FBXO21: variants seen among roughly 807,000 people sequenced by gnomAD.
FBXO21 encodes the protein F-box only protein 21.
A neutral mutation model predicts 76.6 loss-of-function variants in FBXO21; 32 were observed. The ratio of observed to expected loss-of-function variants is 0.42; its 90% CI spans 0.32 to 0.56. The LOEUF is 0.56. Among genes scored for constraint, FBXO21 ranks in the 20% least tolerant of loss-of-function variants. FBXO21 has a pLI of 0.16. For synonymous variants in FBXO21, 328 were observed against 311.5 expected (o/e 1.05, Z -0.56); for missense variants, 586 against 797.3 (o/e 0.73, Z 3.19).
At chr12:117,168,302 G>C (rs534976585) in intron 7 of FBXO21, among the ~76,000 whole-genome samples, 2 of 152,180 alleles carry the variant, frequency 1.3e-5, no homozygotes, top group African/African-American at 4.8e-5. Context: ...AAGGCAGGCA[G>C]ATCACGAGGT....
rs766832709 is a variant in FBXO21 at position 117,155,801 on chromosome 12, G to A, written c.1665C>T (p.Tyr555=). The part of the protein sequence containing the change: ...NVLVEDGSCR[Y]AAQENLEYNV... ...GAACCCGCCGCTTACCTTGGGCTGC[G>A]TATCGACAGGAGCCGTCCTCCACCA... Residue 555 remains tyrosine (Y), a synonymous_variant, in exon 11 of 12, where the codon TAC becomes TAT. Coordinates refer to ENST00000622495, the MANE Select transcript of FBXO21 (RefSeq NM_015002.3). 8 of 1,613,364 alleles carry A rather than the reference G, an allele frequency of 5.0e-6. No homozygotes were observed. The highest frequency in any genetic ancestry group is 4.0e-5 in the African/African-American group (3 of 74,956).
At chr12:117,158,813 C>G (rs7955126) in intron 9 of FBXO21, among the ~76,000 whole-genome samples, 3,267 of 152,306 alleles carry the variant, frequency 0.021, 126 homozygotes, top group African/African-American at 0.074. Flanking sequence ...TCTGACTCCA[C>G]TATTACCGCC....
At chr12:117,162,505 G>A (rs574518375) in intron 9 of FBXO21, among the ~76,000 whole-genome samples, 2 of 152,304 alleles carry the variant, frequency 1.3e-5, no homozygotes, top group South Asian at 2.1e-4. Context: ...CTAAGAAGAT[G>A]GAAGGAGGCG....
At chr12:117,176,633 T>C (rs938926283) in intron 4 of FBXO21, among the ~76,000 whole-genome samples, 3 of 152,134 alleles carry the variant, frequency 2.0e-5, no homozygotes, top group African/African-American at 2.4e-5. Context: ...AAGCAAGTAT[T>C]ACTCAGAAAG....
chr12:117,156,014 G>A (rs1955911935), intron 10 of FBXO21, 66 bp from the exon 11 acceptor site: 3 of 1,518,946 alleles, frequency 2.0e-6, no homozygotes, highest in African/African-American at 1.4e-5. Context: ...AGACAACCGC[G>A]TGGCTTCTCA....
At chr12:117,188,151 G>C (rs1439930886) in intron 2 of FBXO21, among the ~76,000 whole-genome samples, 1 of 152,270 alleles carries the variant, frequency 6.6e-6, no homozygotes, top group Non-Finnish European at 1.5e-5. Flanking sequence ...TCTATTTCTA[G>C]AACCCCAACC....
chr12:117,184,077 T>C (rs1435033824), intron 3 of FBXO21, among the ~76,000 whole-genome samples: 2 of 152,002 alleles, frequency 1.3e-5, no homozygotes, highest in East Asian at 3.9e-4. Flanking sequence ...GCCTAATATC[T>C]AGTGATGCCA....
chr12:117,180,966 T>C (rs117585165), intron 3 of FBXO21, among the ~76,000 whole-genome samples: 151 of 152,312 alleles, frequency 9.9e-4, no homozygotes, highest in Middle Eastern at 3.4e-3. Context: ...TCTCCCCCAC[T>C]GTCCATTCAT....
rs375609419 is a variant in FBXO21, at chr12:117,154,832, T to G, written c.1675+959A>C. ...TTTGATTATTGGATTTATCAGAACA[T>G]AATATTGAGTTAGGTCAAAACTCAG... On this transcript the variant is annotated intron_variant, in intron 11 of 11. Coordinates refer to ENST00000622495, the MANE Select transcript of FBXO21 (RefSeq NM_015002.3). 1.5e-3 allele frequency among the ~76,000 whole-genome samples: 235 copies of G among 152,350 alleles called. 2 individuals are homozygous for G. Among genetic ancestry groups the G allele is most frequent in the Non-Finnish European group, 2.5e-3 (168 of 68,036 alleles).
chr12:117,182,879 G>A (rs575018742), intron 3 of FBXO21, among the ~76,000 whole-genome samples: 16 of 152,098 alleles, frequency 1.1e-4, no homozygotes, highest in African/African-American at 3.9e-4. Context: ...ATCTCTTGAG[G>A]CCAGGAGTTT....
chr12:117,146,382 G>T, intron 11 of FBXO21, 105 bp from the exon 12 acceptor site: 1 of 899,370 alleles, frequency 1.1e-6, no homozygotes, highest in Non-Finnish European at 1.7e-6. Flanking sequence ...CATTTTTGGG[G>T]TGGAGAAGGG....
rs900690260 is a variant in FBXO21 at position 117,156,566 on chromosome 12, C to T, written c.1518-618G>A. 4.6e-5 allele frequency among the ~76,000 whole-genome samples: 7 copies of T among 152,156 alleles called. No individual in the cohort carries two copies. In the East Asian group the frequency reaches 5.8e-4, roughly 13 times the overall value. The stretch of plus-strand genomic sequence containing the variant: ...GCCTTTTAGAGGTACATACTGAAAT[C>T]GCTACAGGTGAAATGGCATCTGGCA... On this transcript the variant is annotated intron_variant, in intron 10 of 11. Transcript: ENST00000622495.
rs1956151061 is a variant in FBXO21, at chr12:117,174,243, T to C, written c.838A>G (p.Met280Val). ...YDQLKFKGNRMDYYNALNLYM... is the reference protein window; with the variant it reads ...YDQLKFKGNRVDYYNALNLYM... ...AAGTTGAGGGCATTATAGTAATCCA[T>C]TCGATTCCCCTTGAACTTCAGTTGG... The change falls in exon 6 of 12, where the codon ATG (methionine) becomes GTG (valine). Residue 280 changes from methionine to valine, a missense_variant. Around this residue, in one of 6 missense-constraint regions of FBXO21, gnomAD observed 246 missense variants for 356.8 expected, o/e 0.69. Coordinates refer to ENST00000622495, the MANE Select transcript of FBXO21 (RefSeq NM_015002.3). 2 of 1,613,352 alleles carry C rather than the reference T, an allele frequency of 1.2e-6. No homozygotes were observed. Among genetic ancestry groups the C allele is most frequent in the South Asian group, 1.1e-5 (1 of 91,068 alleles).
chr12:117,163,457 CG>C (rs1565999809), intron 9 of FBXO21, among the ~76,000 whole-genome samples: 1 of 152,050 alleles, frequency 6.6e-6, no homozygotes, highest in African/African-American at 2.4e-5. Flanking sequence ...CACTTGAACC[CG>C]GGAGGCAGAG....
At chr12:117,156,531 G>C (rs1955917346) in intron 10 of FBXO21, among the ~76,000 whole-genome samples, 1 of 152,098 alleles carries the variant, frequency 6.6e-6, no homozygotes, top group African/African-American at 2.4e-5. Flanking sequence ...GAGAAGGAGA[G>C]AGCACCCCTG....
intron 6 of FBXO21, among the ~76,000 whole-genome samples, chr12:117,173,573 C>A (rs1956139769): frequency 6.6e-6 from 1 of 152,190 alleles, no homozygotes; most frequent in Non-Finnish European, 1.5e-5. Flanking sequence ...CAGGTTCTCC[C>A]AAATGGCTAG....
intron 7 of FBXO21, among the ~76,000 whole-genome samples, chr12:117,170,108 T>TA (rs1391956868): frequency 1.0e-5 from 1 of 97,924 alleles, no homozygotes; most frequent in Non-Finnish European, 2.1e-5. Context: ...CATTAATACT[T>TA]AAAAAAATGT....
intron 3 of FBXO21, among the ~76,000 whole-genome samples, chr12:117,182,628 T>C (rs1956246324): frequency 7.5e-6 from 1 of 133,396 alleles, no homozygotes; most frequent in African/African-American, 2.8e-5. Context: ...AGTGGTGCAA[T>C]CTCAGCTTAC....
intron 9 of FBXO21, among the ~76,000 whole-genome samples, chr12:117,158,831 C>A (rs1955945870): frequency 2.0e-5 from 3 of 152,210 alleles, no homozygotes; most frequent in Non-Finnish European, 2.9e-5. Context: ...GCCTCTACTG[C>A]ACACAGTGCC....
Sources: allele counts gnomAD v4.1 joint callset (sites outside exome capture counted in the v4.1 genomes callset), GRCh38; gene constraint gnomAD v4.1.1; regional missense constraint gnomAD v4.1.1; transcripts MANE v1.5; gene names NCBI Gene and HGNC (gene_info 2026-07-23, HGNC 2026-07-21).